PCDHGA7: variants seen among roughly 807,000 people sequenced by gnomAD.
PCDHGA7 encodes protocadherin gamma-A7.
In PCDHGA7, 44 loss-of-function variants were observed where a neutral mutation model predicts 58.3. That is an observed-to-expected ratio of 0.75 (90% CI 0.59 to 0.97). The LOEUF is 0.97. Ranked by LOEUF, PCDHGA7 falls within the 50% of genes least tolerant of loss-of-function variation. The pLI, the probability that PCDHGA7 is intolerant of heterozygous loss-of-function variation, is 0.00. For synonymous variants in PCDHGA7, 516 were observed against 504.2 expected (o/e 1.02, Z -0.31); for missense variants, 1,266 against 1,188.7 (o/e 1.06, Z -0.96).
intron 1 of PCDHGA7, chr5:141,424,504 G>GT (rs892941709): frequency 6.6e-6 from 1 of 152,016 alleles, no homozygotes; most frequent in African/African-American, 2.4e-5. Context: ...TGTATGGAAG[G>GT]TTTTTTAATG....
rs765818637 is a variant in PCDHGA7 at position 141,409,918 on chromosome 5, C to T, written c.2424+24595C>T. ...ACCCAGCTCTGGGTCCTGACGGCTC[C>T]GCGTTCTTCGATATGGTACCTCGCT... On this transcript the variant is annotated intron_variant, in intron 1 of 3. Coordinates refer to ENST00000518325, the MANE Select transcript of PCDHGA7 (RefSeq NM_018920.4). 1.9e-6 allele frequency: 3 copies of T among 1,613,222 alleles called. No individual in the cohort carries two copies. In the African/African-American group the frequency reaches 4.0e-5, roughly 22 times the overall value.
chr5:141,461,864 C>T (rs911351082), intron 1 of PCDHGA7, among the ~76,000 whole-genome samples: 5 of 151,900 alleles, frequency 3.3e-5, no homozygotes, highest in African/African-American at 9.7e-5. Context: ...GCTCTTGTTG[C>T]CCAGGCTGGA....
intron 1 of PCDHGA7, chr5:141,415,756 T>G (rs756759295): frequency 1.5e-4 from 214 of 1,386,812 alleles, no homozygotes; most frequent in African/African-American, 5.9e-4. Flanking sequence ...TTTTTTTTTT[T>G]TTTTTTTTTT....
At chr5:141,479,056 A>G (rs952560687) in intron 1 of PCDHGA7, among the ~76,000 whole-genome samples, 1 of 152,098 alleles carries the variant, frequency 6.6e-6, no homozygotes, top group Admixed American at 6.5e-5. Context: ...TTCTCAGATA[A>G]TTTTTTATGA....
intron 1 of PCDHGA7, chr5:141,394,938 G>A: frequency 6.2e-7 from 1 of 1,613,780 alleles, no homozygotes; most frequent in Non-Finnish European, 8.5e-7. Context: ...CGCCTTTGTC[G>A]CTGTGCTTCT....
At chr5:141,392,852 G>A in intron 1 of PCDHGA7, 3 of 1,611,984 alleles carry the variant, frequency 1.9e-6, no homozygotes, top group Non-Finnish European at 2.5e-6. Context: ...GCGGCGAGCT[G>A]ATCCTGCTGT....
chr5:141,469,213 G>C (rs866405809), intron 1 of PCDHGA7, among the ~76,000 whole-genome samples: 4 of 150,912 alleles, frequency 2.7e-5, no homozygotes, highest in African/African-American at 9.7e-5. Flanking sequence ...TGAAGTTGAG[G>C]CTTCAGTGAG....
chr5:141,404,617 G>A (rs760355068), intron 1 of PCDHGA7: 4 of 1,614,032 alleles, frequency 2.5e-6, no homozygotes, highest in Non-Finnish European at 2.5e-6. Flanking sequence ...TTTTGGACCA[G>A]AATGACAATG....
At position 141,487,905 on chromosome 5, in the gene PCDHGA7, G is replaced by A. The variant is rs1305989274; in HGVS notation, c.2425-6902G>A. The A allele has an allele frequency of 2.9e-6, 2 of 686,270 alleles. No individual in the cohort carries two copies. The highest frequency in any genetic ancestry group is 3.6e-5 in the African/African-American group (2 of 55,348). The allele number at this position is 686,270 out of a possible 1,614,324, so 42.5% of individuals were successfully genotyped here. ...GTGGAAGCATGATGATGGAATGTGG[G>A]AGCACAGGAGGCTACAGTGCACAGG... On this transcript the variant is annotated intron_variant, in intron 1 of 3. Coordinates refer to ENST00000518325, the MANE Select transcript of PCDHGA7 (RefSeq NM_018920.4). This position sits in a 1 kb window ranked among gnomAD's most constrained non-coding sequence, Gnocchi z 5.0.
rs777247531 is a variant in PCDHGA7 at position 141,476,417 on chromosome 5, C to T, written c.2425-18390C>T. 3 of 1,614,112 alleles carry T rather than the reference C, an allele frequency of 1.9e-6. No homozygotes were observed. Among genetic ancestry groups the T allele is most frequent in the Admixed American group, 1.7e-5 (1 of 60,018 alleles). The stretch of plus-strand genomic sequence containing the variant: ...GGATCGAGAGGAGCTGTGTGGGACA[C>T]TGCCCTCTTGCACTGTAACTCTGGA... On this transcript the variant is annotated intron_variant, in intron 1 of 3. Coordinates refer to ENST00000518325, the MANE Select transcript of PCDHGA7 (RefSeq NM_018920.4). The surrounding 1 kb of genome is among the most constrained non-coding windows in gnomAD (Gnocchi z 7.6).
chr5:141,389,339 C>G, intron 1 of PCDHGA7: 2 of 1,614,010 alleles, frequency 1.2e-6, no homozygotes, highest in Middle Eastern at 1.6e-4. Flanking sequence ...ACGGCCAAGT[C>G]TCTTACTGCA....
At chr5:141,428,066 A>T in intron 1 of PCDHGA7, 2 of 1,609,118 alleles carry the variant, frequency 1.2e-6, no homozygotes, top group Non-Finnish European at 1.7e-6. Context: ...CGGTGGACGC[A>T]GATTCGGGAC....
chr5:141,430,328 T>C (rs961978065), intron 1 of PCDHGA7, among the ~76,000 whole-genome samples: 1 of 152,036 alleles, frequency 6.6e-6, no homozygotes, highest in Non-Finnish European at 1.5e-5. Flanking sequence ...AAATCATTGT[T>C]TATAGAAACT....
intron 1 of PCDHGA7, chr5:141,404,265 T>A: frequency 6.2e-7 from 1 of 1,613,998 alleles, no homozygotes; most frequent in Non-Finnish European, 8.5e-7. Context: ...GAAATTCACA[T>A]CACCCTGCAA....
intron 1 of PCDHGA7, among the ~76,000 whole-genome samples, chr5:141,464,139 C>T (rs1200161549): frequency 6.6e-6 from 1 of 151,928 alleles, no homozygotes; most frequent in Admixed American, 6.6e-5. Flanking sequence ...GTGGTGGGCG[C>T]CTGTAGTCCC....
chr5:141,395,372 G>A, intron 1 of PCDHGA7: 2 of 1,191,834 alleles, frequency 1.7e-6, no homozygotes, highest in Non-Finnish European at 2.3e-6. Flanking sequence ...TTATTTTGGT[G>A]GTGTTACTAT....
rs756833632 is a variant in PCDHGA7, at chr5:141,393,904, CA to C, written c.2424+8582del. Reference sequence around the variant, plus strand: ...GTGTTAGAAAATTCTCTTCCCGGGACAGTAATTGCCTTCTTGAGTGTGCATG... The same window carrying C: ...GTGTTAGAAAATTCTCTTCCCGGGACGTAATTGCCTTCTTGAGTGTGCATG... On this transcript the variant is annotated intron_variant, in intron 1 of 3. Transcript: ENST00000518325. The C allele has an allele frequency of 1.9e-6, 3 of 1,613,918 alleles. No individual in the cohort carries two copies. In the East Asian group the frequency reaches 6.7e-5, roughly 36 times the overall value.
intron 1 of PCDHGA7, chr5:141,405,187 G>T (rs372851700): frequency 9.3e-6 from 15 of 1,613,480 alleles, no homozygotes; most frequent in Non-Finnish European, 1.3e-5. Flanking sequence ...GTGTAGATGG[G>T]GTTCGAGCTT....
chr5:141,390,189 G>A (rs1295174277), intron 1 of PCDHGA7: 3 of 1,613,922 alleles, frequency 1.9e-6, no homozygotes, highest in East Asian at 2.2e-5. Flanking sequence ...AAAATGTAGT[G>A]AGCAGTTGAG....
Sources: gnomAD v4.1 joint callset for allele counts (sites outside exome capture counted in the v4.1 genomes callset) on GRCh38, gnomAD v4.1.1 for gene constraint, Gnocchi (gnomAD v3.1) non-coding constraint, MANE v1.5 for transcripts, NCBI Gene and HGNC (gene_info 2026-07-23, HGNC 2026-07-21) for gene names.